WFDC10A: variants seen among roughly 807,000 people sequenced by gnomAD.
The protein encoded by WFDC10A is WAP four-disulfide core domain 10A.
A neutral mutation model predicts 2.6 loss-of-function variants in WFDC10A; 2 were observed. The observed-to-expected ratio is 0.76, with a 90% CI of 0.31 to 2.40. WFDC10A has a LOEUF of 2.40. Ranked by LOEUF, WFDC10A falls within the 30% of genes most tolerant of loss-of-function variation. The probability of loss-of-function intolerance (pLI) is 0.12; values close to 1 mark genes in which losing one functional copy is unlikely to be tolerated. For synonymous variants in WFDC10A, 36 were observed against 36.3 expected, an observed-to-expected ratio of 0.99 and a Z score of 0.03; for missense variants, 84 against 91.8, an observed-to-expected ratio of 0.92 and a Z score of 0.35.
chr20:45,630,032 T>C, intron 1 of WFDC10A, 128 bp downstream of exon 1: 1 of 1,340,500 alleles, frequency 7.5e-7, no homozygotes, highest in South Asian at 1.4e-5. Context: ...CAATGTTGTG[T>C]AGACTCTGGA....
intron 1 of WFDC10A, among the ~76,000 whole-genome samples, chr20:45,630,485 TCTA>T (rs1270887498): frequency 6.6e-6 from 1 of 152,106 alleles, no homozygotes; most frequent in Non-Finnish European, 1.5e-5. Flanking sequence ...ATCTCTGAAT[TCTA>T]CTATTCAGAG....
At position 45,629,883 on chromosome 20, in the gene WFDC10A, C is replaced by T. The variant is rs1290173817; in HGVS notation, c.70C>T (p.Arg24Cys). 7 of 1,613,498 alleles carry T rather than the reference C, an allele frequency of 4.3e-6. No individual in the cohort carries two copies. The African/African-American group carries it at 5.3e-5, about 12-fold the overall frequency. ...VLLLQAQGGY[R>C]DKKRMQKTQL... is the part of the protein sequence containing the mutation. ...GCTGCTGCAGGCCCAGGGAGGATAC[C>T]GTGACAAGAAGAGGATGCAGAGTAG... The change falls in exon 1 of 2, where the codon CGT becomes TGT. Residue 24 changes from arginine to cysteine, a missense_variant. Transcript: ENST00000372643.
At chr20:45,630,026 G>A in intron 1 of WFDC10A, 122 bp downstream of exon 1, 1 of 1,379,788 alleles carries the variant, frequency 7.2e-7, no homozygotes, top group Non-Finnish European at 9.9e-7. Flanking sequence ...TGACCACAAT[G>A]TTGTGTAGAC....
At position 45,630,925 on chromosome 20, in the gene WFDC10A, A is replaced by G; in HGVS notation, c.147A>G (p.Leu49=). 1 of 1,612,574 alleles carries G rather than the reference A, an allele frequency of 6.2e-7. No individual in the cohort carries two copies. The highest frequency in any genetic ancestry group is 8.5e-7 in the Non-Finnish European group (1 of 1,179,398). The change falls in exon 2 of 2, where the codon CTA becomes CTG. Residue 49 remains leucine (L), a synonymous_variant. Transcript: ENST00000372643. The part of the protein sequence containing the change: ...KVCQQQPKLY[L]CKHLCESHRD... ...GCCAGCAGCAGCCTAAACTATATCT[A>G]TGCAAACACTTATGTGAATCTCACC...
rs758356535 is a variant in WFDC10A at position 45,629,829 on chromosome 20, C to G, written c.16C>G (p.Leu6Val). 6.2e-7 allele frequency: 1 copy of G among 1,613,930 alleles called. No individual in the cohort carries two copies. ...GATCAGAGTCATGGCACCCCAGACT[C>G]TGCTGCCTGTCCTGGTTCTCTGTGT... is the stretch of plus-strand genomic sequence containing the variant. MAPQT[L>V]LPVLVLCVLL... The change falls in exon 1 of 2, where the codon CTG becomes GTG. Residue 6 changes from leucine to valine, a missense_variant. Physicochemically the swap from Leu to Val is conservative, Grantham distance 32 (BLOSUM62 1). Coordinates refer to ENST00000372643, the MANE Select transcript of WFDC10A (RefSeq NM_080753.3).
chr20:45,631,056 A>C lies in WFDC10A; in HGVS notation c.*38A>C. 1 of 1,559,550 alleles carries C rather than the reference A, an allele frequency of 6.4e-7. No homozygotes were observed. Among genetic ancestry groups the C allele is most frequent in the East Asian group, 2.3e-5 (1 of 43,552 alleles). On this transcript the variant is annotated 3_prime_UTR_variant, in exon 2 of 2. Coordinates refer to ENST00000372643, the MANE Select transcript of WFDC10A (RefSeq NM_080753.3). ...GCTGGGATGTGCATCCTGCTTCCCA[A>C]CTCCTCTATCCAAGACTGTGCCCAC...
Position 45,629,884 on chromosome 20 carries a change from G to A in WFDC10A, c.71G>A (p.Arg24His), listed in dbSNP as rs369507208. The A allele has an allele frequency of 5.6e-6, 9 of 1,613,912 alleles. No individual in the cohort carries two copies. Among genetic ancestry groups the A allele is most frequent in the African/African-American group, 2.7e-5 (2 of 75,034 alleles). Reference protein sequence around the residue: ...VLLLQAQGGYRDKKRMQKTQL... With the variant: ...VLLLQAQGGYHDKKRMQKTQL... ...CTGCTGCAGGCCCAGGGAGGATACCGTGACAAGAAGAGGATGCAGAGTAGG... is the reference window on the plus strand; with the variant it reads ...CTGCTGCAGGCCCAGGGAGGATACCATGACAAGAAGAGGATGCAGAGTAGG... Residue 24 changes from arginine to histidine, a missense_variant, in exon 1 of 2, where the codon CGT (arginine) becomes CAT (histidine). Coordinates refer to ENST00000372643, the MANE Select transcript of WFDC10A (RefSeq NM_080753.3).
At chr20:45,630,244 A>C (rs1806712598) in intron 1 of WFDC10A, among the ~76,000 whole-genome samples, 1 of 152,146 alleles carries the variant, frequency 6.6e-6, no homozygotes, top group Non-Finnish European at 1.5e-5. Context: ...ATTTGTGAGG[A>C]GTAAAGATTC....
Position 45,629,809 on chromosome 20 carries a change from G to C in WFDC10A, c.-5G>C, listed in dbSNP as rs761443256. ...AGACATAGGGCTCACGATCTGATCAGAGTCATGGCACCCCAGACTCTGCTG... is the reference window on the plus strand; with the variant it reads ...AGACATAGGGCTCACGATCTGATCACAGTCATGGCACCCCAGACTCTGCTG... On this transcript the variant is annotated 5_prime_UTR_variant, in exon 1 of 2. Transcript: ENST00000372643. 1 of 1,613,352 alleles carries C rather than the reference G, an allele frequency of 6.2e-7. No individual in the cohort carries two copies. The highest frequency in any genetic ancestry group is 8.5e-7 in the Non-Finnish European group (1 of 1,179,708).
At position 45,631,057 on chromosome 20, in the gene WFDC10A, C is replaced by G; in HGVS notation, c.*39C>G. The stretch of plus-strand genomic sequence containing the variant: ...CTGGGATGTGCATCCTGCTTCCCAA[C>G]TCCTCTATCCAAGACTGTGCCCACA... On this transcript the variant is annotated 3_prime_UTR_variant, in exon 2 of 2. Transcript: ENST00000372643. The G allele has an allele frequency of 6.4e-7, 1 of 1,559,850 alleles. No individual in the cohort carries two copies. Among genetic ancestry groups the G allele is most frequent in the Non-Finnish European group, 8.7e-7 (1 of 1,154,806 alleles).
intron 1 of WFDC10A, 82 bp from the exon 2 acceptor site, chr20:45,630,788 A>C (rs1982344059): frequency 7.0e-7 from 1 of 1,434,548 alleles, no homozygotes; most frequent in Non-Finnish European, 9.2e-7. Context: ...ACCTGGGTTC[A>C]AGGGTCTTGG....
chr20:45,631,066 C>T lies in WFDC10A; in HGVS notation c.*48C>T. 6.6e-7 allele frequency: 1 copy of T among 1,515,432 alleles called. No individual in the cohort carries two copies. The highest frequency in any genetic ancestry group is 8.8e-7 in the Non-Finnish European group (1 of 1,133,008). 93.9% of individuals were successfully genotyped at this position (1,515,432 alleles called of 1,614,324 possible). ...GCATCCTGCTTCCCAACTCCTCTAT[C>T]CAAGACTGTGCCCACATCCGAAGCA... On this transcript the variant is annotated 3_prime_UTR_variant, in exon 2 of 2. Coordinates refer to ENST00000372643, the MANE Select transcript of WFDC10A (RefSeq NM_080753.3).
intron 1 of WFDC10A, among the ~76,000 whole-genome samples, 171 bp downstream of exon 1, chr20:45,630,075 G>T (rs566962722): frequency 1.3e-5 from 2 of 152,304 alleles, no homozygotes; most frequent in East Asian, 3.9e-4. Context: ...CAGCCCCTTA[G>T]CTGGCCCTGG....
In WFDC10A at chr20:45,629,975, A is replaced by AGT. The variant is rs1355978633; in HGVS notation, c.91+72_91+73dup. The AGT allele has an allele frequency of 9.5e-6, 15 of 1,571,130 alleles. No homozygotes were observed. In the East Asian group the frequency reaches 3.5e-4, roughly 36 times the overall value. On this transcript the variant is annotated intron_variant, in intron 1 of 1. Coordinates refer to ENST00000372643, the MANE Select transcript of WFDC10A (RefSeq NM_080753.3). ...GAATGGAGGGCCTGTGTCCAGTCTG[A>AGT]GTAGGACCTAGGAGTTGGAAACTCT...
Position 45,630,862 on chromosome 20 carries a change from C to A in WFDC10A, c.92-8C>A, listed in dbSNP as rs749382459. On this transcript the variant is annotated splice_region_variant and splice_polypyrimidine_tract_variant and intron_variant, in intron 1 of 1. Coordinates refer to ENST00000372643, the MANE Select transcript of WFDC10A (RefSeq NM_080753.3). ...TGCGTTTATTTACCGTTCTATTCTC[C>A]TTGTCAGAAACACAGCTATCCCCAG... The A allele has an allele frequency of 1.9e-6, 3 of 1,590,774 alleles. No individual in the cohort carries two copies. The highest frequency in any genetic ancestry group is 2.6e-6 in the Non-Finnish European group (3 of 1,170,298).
rs146138321 is a variant in WFDC10A, at chr20:45,631,171, A to G, written c.*153A>G. 7.9e-3 allele frequency: 6,348 copies of G among 805,992 alleles called. 33 individuals are homozygous for G. The highest frequency in any genetic ancestry group is 0.01 in the Non-Finnish European group (5,776 of 573,872). The allele number at this position is 805,992 out of a possible 1,614,324, so 49.9% of individuals were successfully genotyped here. A position where few individuals can be genotyped will look rare whatever the true frequency, so the allele number is the denominator to read the frequency against. ...CTGTCTGAACCCCTTGTCCCTGTCA[A>G]ATAAACCAGAACAAATGCCCAGGGA... On this transcript the variant is annotated 3_prime_UTR_variant, in exon 2 of 2. Coordinates refer to ENST00000372643, the MANE Select transcript of WFDC10A (RefSeq NM_080753.3).
rs1053053572 is a variant in WFDC10A, at chr20:45,629,745, C to T, written c.-69C>T. ...TTCCTTCTTTCCTTCCTTCACTCTC[C>T]GTAGACAGCTCTGCAGGGAAGTCTG... On this transcript the variant is annotated 5_prime_UTR_variant, in exon 1 of 2. Transcript: ENST00000372643. 14 of 1,556,924 alleles carry T rather than the reference C, an allele frequency of 9.0e-6. No individual in the cohort carries two copies. The highest frequency in any genetic ancestry group is 1.2e-5 in the South Asian group (1 of 85,796).
intron 1 of WFDC10A, among the ~76,000 whole-genome samples, chr20:45,630,350 G>A (rs1487325): frequency 0.15 from 22,912 of 151,880 alleles, 1,991 homozygotes; most frequent in East Asian, 0.32. Flanking sequence ...ACAGAGCCAA[G>A]TTAAGGTTAT....
In WFDC10A at chr20:45,631,119, ACAT is replaced by A; in HGVS notation, c.*104_*106del. 7.3e-7 allele frequency: 1 copy of A among 1,363,330 alleles called. No individual in the cohort carries two copies. 84.5% of individuals were successfully genotyped at this position (1,363,330 alleles called of 1,614,324 possible). On this transcript the variant is annotated 3_prime_UTR_variant, in exon 2 of 2. Coordinates refer to ENST00000372643, the MANE Select transcript of WFDC10A (RefSeq NM_080753.3). ...AGGACCTCAAGTCACCAGCATAAGA[ACAT>A]CAACAGGAATGCCGCCCTCTCTACT...
Sources: allele counts gnomAD v4.1 joint callset (sites outside exome capture counted in the v4.1 genomes callset), GRCh38; gene constraint gnomAD v4.1.1; transcripts MANE v1.5; gene names NCBI Gene and HGNC (gene_info 2026-07-23, HGNC 2026-07-21).